The following LINS1 variants were observed in gnomAD, a reference collection of about 807,000 sequenced individuals.
The protein encoded by LINS1 is protein Lines homolog 1.
Under a neutral mutation model 41.6 loss-of-function variants are expected in LINS1, and 27 were observed. The ratio of observed to expected loss-of-function variants is 0.65; its 90% CI spans 0.48 to 0.89. LINS1 has a LOEUF of 0.89. Ranked by LOEUF, LINS1 falls within the 40% of genes least tolerant of loss-of-function variation. The pLI is 0.00. For missense variants in LINS1, 955 were observed against 884.1 expected (o/e 1.08, Z -1.02); for synonymous variants, 336 against 312.9 (o/e 1.07, Z -0.78).
At chr15:100,572,281 T>C (rs2037874326) in intron 5 of LINS1, 3 of 1,355,728 alleles carry the variant, frequency 2.2e-6, no homozygotes, top group East Asian at 3.1e-5. Context: ...AGAGCATACA[T>C]TTAAAATGTA....
chr15:100,572,945 AC>A (rs1321329713), intron 5 of LINS1: 1 of 542,030 alleles, frequency 1.8e-6, no homozygotes, highest in African/African-American at 2.0e-5. Context: ...CGAGAGGATC[AC>A]TTCAGCTCAA....
chr15:100,599,689 T>C (rs562410982), intron 1 of LINS1, among the ~76,000 whole-genome samples: 1 of 152,242 alleles, frequency 6.6e-6, no homozygotes, highest in Non-Finnish European at 1.5e-5. Flanking sequence ...TTTTCCTTCT[T>C]TTTGGGAGTT....
Position 100,569,666 on chromosome 15 carries a change from T to A in LINS1, c.1846A>T (p.Ser616Cys). 1.2e-6 allele frequency: 2 copies of A among 1,613,606 alleles called. No individual in the cohort carries two copies. The highest frequency in any genetic ancestry group is 2.2e-5 in the South Asian group (2 of 91,018). Residue 616 changes from serine to cysteine, a missense_variant, in exon 7 of 7, where the codon AGT becomes TGT. Coordinates refer to ENST00000314742, the MANE Select transcript of LINS1 (RefSeq NM_001040616.3). ...SKGAHTMCASSLSSPRASQSL... is the reference protein window; with the variant it reads ...SKGAHTMCASCLSSPRASQSL... ...TGAGAGGCCCGGGGGGAAGACAGAC[T>A]AGAAGCACACATGGTGTGAGCCCCC...
chr15:100,600,929 G>T (rs1352759741), intron 1 of LINS1, among the ~76,000 whole-genome samples: 2 of 152,232 alleles, frequency 1.3e-5, no homozygotes, highest in East Asian at 1.9e-4. Flanking sequence ...GGCCCTTCAA[G>T]ATCTGACTCT....
In LINS1 at chr15:100,570,008, T is replaced by C. The variant is rs1364060978; in HGVS notation, c.1504A>G (p.Ile502Val). 1 of 1,555,994 alleles carries C rather than the reference T, an allele frequency of 6.4e-7. No individual in the cohort carries two copies. Among genetic ancestry groups the C allele is most frequent in the East Asian group, 2.3e-5 (1 of 44,400 alleles). ...HCIFLFFLKN[I>V]GFDSTVLLDF... ...AGAAGAACTGTGGAATCAAATCCTA[T>C]ATTTTTCAAGAAGAACAAGAAAATA... The change falls in exon 7 of 7, where the codon ATA becomes GTA. Residue 502 changes from isoleucine (I) to valine (V), a missense_variant. Coordinates refer to ENST00000314742, the MANE Select transcript of LINS1 (RefSeq NM_001040616.3).
Position 100,571,935 on chromosome 15 carries a change from C to T in LINS1, c.1353G>A (p.Glu451=). 1 of 1,614,182 alleles carries T rather than the reference C, an allele frequency of 6.2e-7. No homozygotes were observed. The highest frequency in any genetic ancestry group is 8.5e-7 in the Non-Finnish European group (1 of 1,180,038). The change falls in exon 6 of 7, where the codon GAG becomes GAA. Residue 451 remains glutamate (E), a synonymous_variant. Coordinates refer to ENST00000314742, the MANE Select transcript of LINS1 (RefSeq NM_001040616.3). ...VFIEQDDDML[E]AAKASLGIYL... is the part of the protein sequence containing the mutation. ...AGATGCCCAGTGATGCCTTGGCAGC[C>T]TCCAGCATGTCATCGTCTTGTTCTA...
intron 1 of LINS1, among the ~76,000 whole-genome samples, chr15:100,601,881 C>T (rs568233922): frequency 1.3e-5 from 2 of 152,274 alleles, no homozygotes; most frequent in Admixed American, 6.5e-5. Flanking sequence ...AGTCCGTTCT[C>T]CCACTTCAGG....
At chr15:100,595,282 C>T (rs1020725838) in intron 1 of LINS1, among the ~76,000 whole-genome samples, 2 of 151,916 alleles carry the variant, frequency 1.3e-5, no homozygotes, top group African/African-American at 4.8e-5. Context: ...AGAAAAATAT[C>T]TGCAAAGCAC....
chr15:100,580,193 C>A (rs2038450831), intron 3 of LINS1, 70 bp downstream of exon 3: 1 of 1,216,102 alleles, frequency 8.2e-7, no homozygotes, highest in Admixed American at 2.0e-5. Context: ...GACCTTGTCT[C>A]CACAAAACAT....
intron 1 of LINS1, among the ~76,000 whole-genome samples, chr15:100,593,890 T>C (rs1456276199): frequency 6.6e-6 from 1 of 152,212 alleles, no homozygotes; most frequent in African/African-American, 2.4e-5. Context: ...TTTCCCAATA[T>C]AAACTAAGAT....
Position 100,573,871 on chromosome 15 carries a change from C to T in LINS1, c.1002G>A (p.Met334Ile). The T allele has an allele frequency of 6.2e-7, 1 of 1,614,240 alleles. No individual in the cohort carries two copies. The highest frequency in any genetic ancestry group is 8.5e-7 in the Non-Finnish European group (1 of 1,180,042). Residue 334 changes from methionine to isoleucine, a missense_variant, in exon 5 of 7, where the codon ATG (methionine) becomes ATA (isoleucine). Met to Ile is a conservative substitution (Grantham distance 10, BLOSUM62 1). Transcript: ENST00000314742. ...MPPDHHVAVDMLALANAVLQA... is the reference protein window; with the variant it reads ...MPPDHHVAVDILALANAVLQA... ...GCAAAACAGCATTAGCTAAAGCCAG[C>T]ATGTCCACCGCTACATGATGGTCTG...
chr15:100,586,269 T>C (rs1199711542), intron 1 of LINS1: 4 of 152,278 alleles, frequency 2.6e-5, no homozygotes, highest in African/African-American at 7.2e-5. Context: ...GTCCCACCTT[T>C]CTGGACTGAA....
chr15:100,579,873 A>G (rs2038428534), intron 3 of LINS1, among the ~76,000 whole-genome samples: 1 of 152,194 alleles, frequency 6.6e-6, no homozygotes, highest in Non-Finnish European at 1.5e-5. Flanking sequence ...GTCTGATGTG[A>G]AATTCACCTC....
intron 1 of LINS1, among the ~76,000 whole-genome samples, chr15:100,593,563 G>T (rs113424352): frequency 1.8e-5 from 1 of 56,958 alleles, no homozygotes; most frequent in African/African-American, 5.3e-5. Context: ...ACTTTATGGG[G>T]GGGGGGGGTG....
intron 1 of LINS1, among the ~76,000 whole-genome samples, chr15:100,582,018 C>T (rs1199787073): frequency 6.6e-6 from 1 of 152,238 alleles, no homozygotes; most frequent in South Asian, 2.1e-4. Flanking sequence ...ACTTCTCTGC[C>T]CTGACCCGTT....
rs150775570 is a variant in LINS1 at position 100,574,009 on chromosome 15, G to A, written c.864C>T (p.Thr288=). Residue 288 remains threonine, a synonymous_variant, in exon 5 of 7, where the codon ACC becomes ACT. Coordinates refer to ENST00000314742, the MANE Select transcript of LINS1 (RefSeq NM_001040616.3). ...LKPSCMLEVI[T]WPIQAFVKRK... is the part of the protein sequence containing the mutation. ...TTTTAACAAAAGCCTGAATAGGCCA[G>A]GTAATAACTTCTAGCATGCAAGATG... 9.9e-5 allele frequency: 159 copies of A among 1,614,064 alleles called. 1 individual carries two copies. The African/African-American group carries it at 1.9e-3, about 19-fold the overall frequency.
chr15:100,571,398 A>G (rs373635760), intron 6 of LINS1, among the ~76,000 whole-genome samples: 7 of 152,368 alleles, frequency 4.6e-5, no homozygotes, highest in African/African-American at 1.7e-4. Context: ...AGAGACAATC[A>G]GTATAAATCA....
intron 6 of LINS1, among the ~76,000 whole-genome samples, chr15:100,571,493 CTTCT>C (rs2141267818): frequency 6.6e-6 from 1 of 152,304 alleles, no homozygotes; most frequent in Non-Finnish European, 1.5e-5. Context: ...TTCAGAACAG[CTTCT>C]TTGATTATTT....
intron 1 of LINS1, among the ~76,000 whole-genome samples, chr15:100,584,553 C>G (rs12441461): frequency 0.52 from 78,487 of 151,624 alleles, 20,752 homozygotes; most frequent in Admixed American, 0.65. Flanking sequence ...GATTCAAAAT[C>G]AGCCTTTAGA....
Sources: allele counts gnomAD v4.1 joint callset (sites outside exome capture counted in the v4.1 genomes callset), GRCh38; gene constraint gnomAD v4.1.1; transcripts MANE v1.5; gene names NCBI Gene and HGNC (gene_info 2026-07-23, HGNC 2026-07-21).